UTRN: variants seen among roughly 807,000 people sequenced by gnomAD.
UTRN encodes dystrophin-related protein 1.
In UTRN, 283 loss-of-function variants were observed where a neutral mutation model predicts 463.9. That is an observed-to-expected ratio of 0.61 (90% CI 0.55 to 0.67). The LOEUF is 0.67. UTRN is among the 30% of genes least tolerant of loss of function. UTRN has a pLI of 0.00. For synonymous variants in UTRN, 1,442 were observed against 1,431.5 expected, an observed-to-expected ratio of 1.01 and a Z score of -0.17; for missense variants, 3,922 against 4,084.3, an observed-to-expected ratio of 0.96 and a Z score of 1.08.
chr6:144,509,030 T>C (rs571749670), intron 34 of UTRN, among the ~76,000 whole-genome samples: 1 of 152,366 alleles, frequency 6.6e-6, no homozygotes, highest in Admixed American at 6.5e-5. Context: ...TTTTGGTATA[T>C]ATCTTATATG....
At chr6:144,660,466 G>A (rs1451571452) in intron 51 of UTRN, among the ~76,000 whole-genome samples, 2 of 151,864 alleles carry the variant, frequency 1.3e-5, no homozygotes, top group South Asian at 2.1e-4. Flanking sequence ...ACTTCCTTTG[G>A]TCAGGAGGGC....
chr6:144,474,342 G>A (rs750090488), intron 24 of UTRN, among the ~76,000 whole-genome samples: 25 of 152,002 alleles, frequency 1.6e-4, no homozygotes, highest in Non-Finnish European at 3.2e-4. Flanking sequence ...TATATTTGGT[G>A]AAATCATCAG....
At position 144,461,186 on chromosome 6, in the gene UTRN, T is replaced by G. The variant is rs2128561266; in HGVS notation, c.2708-11T>G. The stretch of plus-strand genomic sequence containing the variant: ...ATGATTTTTTCAAACTAAATATTTT[T>G]AAATAAACAGAACTGAAGGGCCAAC... On this transcript the variant is annotated splice_polypyrimidine_tract_variant and intron_variant, in intron 21 of 74. Transcript: ENST00000367545. 6.4e-7 allele frequency: 1 copy of G among 1,555,334 alleles called. No individual in the cohort carries two copies. The highest frequency in any genetic ancestry group is 2.3e-5 in the East Asian group (1 of 44,248).
At chr6:144,592,376 T>C (rs1391215314) in intron 51 of UTRN, among the ~76,000 whole-genome samples, 1 of 152,218 alleles carries the variant, frequency 6.6e-6, no homozygotes, top group East Asian at 1.9e-4. Flanking sequence ...TTTTTAAATT[T>C]TTTTTTTTAT....
chr6:144,702,162 G>A (rs1017127609), intron 53 of UTRN, among the ~76,000 whole-genome samples: 2 of 152,120 alleles, frequency 1.3e-5, no homozygotes, highest in Admixed American at 6.5e-5. Flanking sequence ...AGTGTTTACC[G>A]AAATCCACAT....
At position 144,462,764 on chromosome 6, in the gene UTRN, A is replaced by G; in HGVS notation, c.2964A>G (p.Gln988=). 1 of 1,612,138 alleles carries G rather than the reference A, an allele frequency of 6.2e-7. No homozygotes were observed. The highest frequency in any genetic ancestry group is 1.1e-5 in the South Asian group (1 of 90,154). ...CTGATGTAGAAAAATTATATAAGCA[A>G]GAATTTGATGATGTGCAAGGAAAGT... ...VHPDVEKLYK[Q]EFDDVQGKWN... Residue 988 remains glutamine, a synonymous_variant, in exon 23 of 75, where the codon CAA becomes CAG. Coordinates refer to ENST00000367545, the MANE Select transcript of UTRN (RefSeq NM_007124.3).
chr6:144,540,431 G>A lies in UTRN; in HGVS notation c.6519+988G>A, dbSNP rs374387174. Reference sequence around the variant, plus strand: ...TTATCCTATAGCTAATGATGCAGGTGCTTTATTGATCTGGTCTCTCTGATT... The same window carrying A: ...TTATCCTATAGCTAATGATGCAGGTACTTTATTGATCTGGTCTCTCTGATT... On this transcript the variant is annotated intron_variant, in intron 45 of 74. Transcript: ENST00000367545. 4.6e-5 allele frequency among the ~76,000 whole-genome samples: 7 copies of A among 152,212 alleles called. No homozygotes were observed. The East Asian group carries it at 1.2e-3, about 25-fold the overall frequency.
chr6:144,831,311 C>T (rs914360500), intron 69 of UTRN, among the ~76,000 whole-genome samples: 1 of 152,040 alleles, frequency 6.6e-6, no homozygotes, highest in Non-Finnish European at 1.5e-5. Context: ...CCAGTGTAAT[C>T]CCAAGGGTCC....
At chr6:144,375,192 G>T (rs936099821) in intron 2 of UTRN, among the ~76,000 whole-genome samples, 1 of 152,052 alleles carries the variant, frequency 6.6e-6, no homozygotes, top group African/African-American at 2.4e-5. Context: ...TTCTTTAGTT[G>T]GTTATCTAGA....
At chr6:144,737,668 T>G (rs775898092) in intron 54 of UTRN, among the ~76,000 whole-genome samples, 11 of 152,206 alleles carry the variant, frequency 7.2e-5, no homozygotes, top group Admixed American at 3.9e-4. Flanking sequence ...TAAATATGAT[T>G]TTTAGCTGAA....
rs1023180433 is a variant in UTRN at position 144,531,715 on chromosome 6, T to C, written c.6057+513T>C. 2.0e-5 allele frequency among the ~76,000 whole-genome samples: 3 copies of C among 152,222 alleles called. 1 individual carries two copies. The highest frequency in any genetic ancestry group is 7.2e-5 in the African/African-American group (3 of 41,456). Reference sequence around the variant, plus strand: ...GATAACAATAGGTCTTTAAAAATAATGGTAGAAAGCACACGCAATTTCAAT... The same window carrying C: ...GATAACAATAGGTCTTTAAAAATAACGGTAGAAAGCACACGCAATTTCAAT... On this transcript the variant is annotated intron_variant, in intron 42 of 74. Coordinates refer to ENST00000367545, the MANE Select transcript of UTRN (RefSeq NM_007124.3).
intron 9 of UTRN, among the ~76,000 whole-genome samples, chr6:144,430,665 A>G (rs1477185176): frequency 6.6e-6 from 1 of 152,202 alleles, no homozygotes; most frequent in Non-Finnish European, 1.5e-5. Context: ...AGTATCTAAA[A>G]TGACATTAAT....
chr6:144,577,267 G>T lies in UTRN; in HGVS notation c.7458G>T (p.Arg2486Ser). Residue 2486 changes from arginine (R) to serine (S), a missense_variant, in exon 51 of 75, where the codon AGG becomes AGT. Around this residue, in one of 3 missense-constraint regions of UTRN, gnomAD observed 1,309 missense variants for 1,452.6 expected, o/e 0.90. Coordinates refer to ENST00000367545, the MANE Select transcript of UTRN (RefSeq NM_007124.3). ...ENALQDSILA[R>S]ELKQQMQDIQ... ...CTCTTCAGGATAGTATCTTGGCCAG[G>T]GAACTCAAACAGCAGATGCAGGTAA... 1 of 1,613,772 alleles carries T rather than the reference G, an allele frequency of 6.2e-7. No individual in the cohort carries two copies. Among genetic ancestry groups the T allele is most frequent in the Non-Finnish European group, 8.5e-7 (1 of 1,179,840 alleles).
intron 2 of UTRN, among the ~76,000 whole-genome samples, chr6:144,372,841 T>C (rs545654754): frequency 1.3e-5 from 2 of 152,184 alleles, no homozygotes; most frequent in East Asian, 1.9e-4. Flanking sequence ...GACAACCCAA[T>C]TGAAAAATGA....
intron 9 of UTRN, among the ~76,000 whole-genome samples, chr6:144,433,802 G>T (rs564795327): frequency 2.5e-3 from 374 of 151,272 alleles, no homozygotes; most frequent in African/African-American, 8.4e-3. Flanking sequence ...GGGAAGAGGT[G>T]CTCCTCACTT....
rs142366411 is a variant in UTRN at position 144,548,675 on chromosome 6, T to C, written c.6631T>C (p.Ser2211Pro). ...TGTCCAAAAGGTGGTGCTAGTATCA[T>C]CTGCGTCAGATATTCCTGTTCAGTC... ...PNVQKVVLVS[S>P]ASDIPVQSHR... The change falls in exon 47 of 75, where the codon TCT (serine) becomes CCT (proline). Residue 2211 changes from serine to proline, a missense_variant. By Grantham distance (74) the Ser-to-Pro change is moderately conservative (BLOSUM62 -1). Transcript: ENST00000367545. 1.4e-4 allele frequency: 220 copies of C among 1,613,922 alleles called. No individual in the cohort carries two copies. The highest frequency in any genetic ancestry group is 1.7e-4 in the Non-Finnish European group (204 of 1,179,948).
chr6:144,293,304 A>G (rs557271544), intron 2 of UTRN, among the ~76,000 whole-genome samples: 2 of 152,278 alleles, frequency 1.3e-5, no homozygotes, highest in African/African-American at 2.4e-5. Flanking sequence ...CCTTCATTCT[A>G]GTAAGACCTT....
chr6:144,630,181 C>T (rs1191018777), intron 51 of UTRN, among the ~76,000 whole-genome samples: 1 of 151,958 alleles, frequency 6.6e-6, no homozygotes, highest in Non-Finnish European at 1.5e-5. Context: ...GAGCGAGACT[C>T]CATCTCAAAA....
At chr6:144,743,996 A>G (rs972677143) in intron 54 of UTRN, among the ~76,000 whole-genome samples, 1 of 150,098 alleles carries the variant, frequency 6.7e-6, no homozygotes, top group Non-Finnish European at 1.5e-5. Flanking sequence ...ATATAAAAGT[A>G]TAAGTAAGAG....
Sources: allele counts gnomAD v4.1 joint callset (sites outside exome capture counted in the v4.1 genomes callset), GRCh38; gene constraint gnomAD v4.1.1; regional missense constraint gnomAD v4.1.1; transcripts MANE v1.5; gene names NCBI Gene and HGNC (gene_info 2026-07-23, HGNC 2026-07-21).